KIRREL3: variants seen among roughly 807,000 people sequenced by gnomAD.
KIRREL3 encodes kirre like nephrin family adhesion molecule 3.
KIRREL3 carries 36 observed loss-of-function variants against 89.7 expected under a neutral mutation model. The ratio of observed to expected loss-of-function variants is 0.40; its 90% CI spans 0.31 to 0.53. The LOEUF is 0.53. Among genes scored for constraint, KIRREL3 ranks in the 20% least tolerant of loss-of-function variants. The pLI is 0.49. For missense variants in KIRREL3, 864 were observed against 1,056.6 expected (o/e 0.82, Z 2.53); for synonymous variants, 445 against 441.4 (o/e 1.01, Z -0.10).
chr11:126,494,786 G>A (rs116830397), intron 4 of KIRREL3, among the ~76,000 whole-genome samples: 3,068 of 152,248 alleles, frequency 0.02, 114 homozygotes, highest in African/African-American at 0.069. Flanking sequence ...GGCGGTGAGC[G>A]CTAGGACAGG....
intron 1 of KIRREL3, among the ~76,000 whole-genome samples, chr11:126,674,057 C>T (rs1946077867): frequency 6.6e-6 from 1 of 152,222 alleles, no homozygotes; most frequent in African/African-American, 2.4e-5. Flanking sequence ...GCATGAGAGC[C>T]AGAGGATGGC....
In KIRREL3 at chr11:126,474,966, C is replaced by G. The variant is rs564664092; in HGVS notation, c.434-1500G>C. Reference sequence around the variant, plus strand: ...GCCACAGAAGGGACAGGAGGTGAGGCGACTGTCCTCTGAGGAATCCCTGTT... The same window carrying G: ...GCCACAGAAGGGACAGGAGGTGAGGGGACTGTCCTCTGAGGAATCCCTGTT... On this transcript the variant is annotated intron_variant, in intron 4 of 16. Coordinates refer to ENST00000525144, the MANE Select transcript of KIRREL3 (RefSeq NM_032531.4). This position sits in a 1 kb window ranked among gnomAD's most constrained non-coding sequence, Gnocchi z 6.7. Among the ~76,000 whole-genome samples, 4 of 152,250 alleles carry G rather than the reference C, an allele frequency of 2.6e-5. No individual in the cohort carries two copies. Among genetic ancestry groups the G allele is most frequent in the African/African-American group, 9.6e-5 (4 of 41,552 alleles).
rs1269417531 is a variant in KIRREL3, at chr11:126,876,639, G to A, written c.55+123816C>T. On this transcript the variant is annotated intron_variant, in intron 1 of 16. Coordinates refer to ENST00000525144, the MANE Select transcript of KIRREL3 (RefSeq NM_032531.4). The surrounding 1 kb of genome is among the most constrained non-coding windows in gnomAD (Gnocchi z 4.1). The stretch of plus-strand genomic sequence containing the variant: ...TGCAACCTCCACCTCCAGGGTTCAA[G>A]CAATTGTCCTGCCTCAGCCTTCCAA... 6.6e-6 allele frequency among the ~76,000 whole-genome samples: 1 copy of A among 151,352 alleles called. No homozygotes were observed. The highest frequency in any genetic ancestry group is 1.5e-5 in the Non-Finnish European group (1 of 67,960).
chr11:126,945,383 GCCT>G (rs1295397050), intron 1 of KIRREL3, among the ~76,000 whole-genome samples: 1 of 152,176 alleles, frequency 6.6e-6, no homozygotes, highest in Non-Finnish European at 1.5e-5. Flanking sequence ...GGTTTCCTAA[GCCT>G]CCTTCCTCAC....
intron 1 of KIRREL3, among the ~76,000 whole-genome samples, chr11:126,857,643 T>G (rs1237757657): frequency 6.6e-6 from 1 of 152,134 alleles, no homozygotes; most frequent in Non-Finnish European, 1.5e-5. Flanking sequence ...GTCATATGTC[T>G]TAAAGCAGAA....
Position 126,610,429 on chromosome 11 carries a change from A to G in KIRREL3, c.56-47517T>C, listed in dbSNP as rs1943079309. 6.6e-6 allele frequency among the ~76,000 whole-genome samples: 1 copy of G among 152,214 alleles called. No individual in the cohort carries two copies. Among genetic ancestry groups the G allele is most frequent in the South Asian group, 2.1e-4 (1 of 4,836 alleles). On this transcript the variant is annotated intron_variant, in intron 1 of 16. Transcript: ENST00000525144. The surrounding 1 kb of genome is among the most constrained non-coding windows in gnomAD (Gnocchi z 4.6). ...TTAACAGTTTCCCAAGCAATGCTTCATATTCACAAATGAACACATTAGGCT... is the reference window on the plus strand; with the variant it reads ...TTAACAGTTTCCCAAGCAATGCTTCGTATTCACAAATGAACACATTAGGCT...
Position 126,519,492 on chromosome 11 carries a change from G to T in KIRREL3, c.433+1823C>A, listed in dbSNP as rs1447222531. On this transcript the variant is annotated intron_variant, in intron 4 of 16. Coordinates refer to ENST00000525144, the MANE Select transcript of KIRREL3 (RefSeq NM_032531.4). This position sits in a 1 kb window ranked among gnomAD's most constrained non-coding sequence, Gnocchi z 4.3. The stretch of plus-strand genomic sequence containing the variant: ...ACTTTTTTACGTAACGTAGAGTTGA[G>T]AGGAAAGGAAGTGTAATGATCATGT... Among the ~76,000 whole-genome samples the T allele has an allele frequency of 1.3e-5, 2 of 152,228 alleles. No individual in the cohort carries two copies. The highest frequency in any genetic ancestry group is 2.9e-5 in the Non-Finnish European group (2 of 68,046).
intron 1 of KIRREL3, among the ~76,000 whole-genome samples, chr11:126,770,310 C>T (rs978919972): frequency 1.5e-4 from 23 of 152,290 alleles, no homozygotes; most frequent in African/African-American, 5.5e-4. Flanking sequence ...GACCTATAGA[C>T]ACCCGCAAAA....
intron 1 of KIRREL3, among the ~76,000 whole-genome samples, chr11:126,660,629 A>G (rs1945354960): frequency 7.2e-6 from 1 of 139,034 alleles, no homozygotes; most frequent in African/African-American, 2.7e-5. Context: ...GAATGCCCAC[A>G]TTGGAGGAGC....
chr11:126,925,691 G>A (rs1176137314), intron 1 of KIRREL3, among the ~76,000 whole-genome samples: 1 of 152,196 alleles, frequency 6.6e-6, no homozygotes, highest in Non-Finnish European at 1.5e-5. Context: ...CTGGGTTAAG[G>A]TGAGAACGTT....
In KIRREL3 at chr11:127,000,483, G is replaced by T. The variant is rs1316701243; in HGVS notation, c.27C>A (p.Leu9=). MKPFQLDL[L]FVCFFLFSQE... ...GACTGAAGAGGAAGAAGCAGACGAA[G>T]AGCAGATCGAGCTGGAAGGGTTTCA... is the stretch of plus-strand genomic sequence containing the variant. Residue 9 remains leucine, a synonymous_variant, in exon 1 of 17, where the codon CTC becomes CTA. Coordinates refer to ENST00000525144, the MANE Select transcript of KIRREL3 (RefSeq NM_032531.4). This position sits in a 1 kb window ranked among gnomAD's most constrained non-coding sequence, Gnocchi z 7.1. 2 of 1,608,380 alleles carry T rather than the reference G, an allele frequency of 1.2e-6. No individual in the cohort carries two copies. Among genetic ancestry groups the T allele is most frequent in the East Asian group, 2.2e-5 (1 of 44,630 alleles).
intron 1 of KIRREL3, among the ~76,000 whole-genome samples, chr11:126,959,640 C>T (rs1949024955): frequency 6.6e-6 from 1 of 152,194 alleles, no homozygotes; most frequent in African/African-American, 2.4e-5. Context: ...GGTATTCCTC[C>T]TTAGATATCT....
chr11:126,779,231 T>C (rs951670645), intron 1 of KIRREL3, among the ~76,000 whole-genome samples: 1 of 152,204 alleles, frequency 6.6e-6, no homozygotes, highest in Non-Finnish European at 1.5e-5. Flanking sequence ...GAAGGCTCCA[T>C]GACATTCCCT....
chr11:126,715,743 G>A lies in KIRREL3; in HGVS notation c.56-152831C>T, dbSNP rs577543382. Among the ~76,000 whole-genome samples, 2 of 152,336 alleles carry A rather than the reference G, an allele frequency of 1.3e-5. No homozygotes were observed. The highest frequency in any genetic ancestry group is 1.9e-4 in the East Asian group (1 of 5,186). On this transcript the variant is annotated intron_variant, in intron 1 of 16. Transcript: ENST00000525144. This position sits in a 1 kb window ranked among gnomAD's most constrained non-coding sequence, Gnocchi z 4.4. ...GAGAATGCGGGGGAGGCAAACATCA[G>A]AGAGACTGCACAAGAGCAAGAGGGA...
intron 1 of KIRREL3, among the ~76,000 whole-genome samples, chr11:126,692,544 C>CA (rs71048799): frequency 0.85 from 36,109 of 42,386 alleles, 16,211 homozygotes; most frequent in Middle Eastern, 0.89. Context: ...GACTCTGTCT[C>CA]AAAAAAAAAA....
At chr11:126,702,411 C>T (rs978633086) in intron 1 of KIRREL3, among the ~76,000 whole-genome samples, 3 of 150,826 alleles carry the variant, frequency 2.0e-5, no homozygotes, top group East Asian at 2.0e-4. Context: ...CATGTGGAGT[C>T]GAGGTGGGCA....
rs1828796122 is a variant in KIRREL3 at position 126,795,353 on chromosome 11, A to G, written c.55+205102T>C. 6.6e-6 allele frequency among the ~76,000 whole-genome samples: 1 copy of G among 152,190 alleles called. No individual in the cohort carries two copies. Among genetic ancestry groups the G allele is most frequent in the South Asian group, 2.1e-4 (1 of 4,820 alleles). On this transcript the variant is annotated intron_variant, in intron 1 of 16. Coordinates refer to ENST00000525144, the MANE Select transcript of KIRREL3 (RefSeq NM_032531.4). This position sits in a 1 kb window ranked among gnomAD's most constrained non-coding sequence, Gnocchi z 4.1. The stretch of plus-strand genomic sequence containing the variant: ...GCAGAGGTTGGGAGGGAGAGGACGT[A>G]CATATAAATTTTATTTTATTTTACT...
chr11:126,464,032 A>G (rs1382845223), intron 5 of KIRREL3, among the ~76,000 whole-genome samples: 1 of 152,182 alleles, frequency 6.6e-6, no homozygotes, highest in Non-Finnish European at 1.5e-5. Flanking sequence ...AGTCTCCTAC[A>G]GCAGGTTGAA....
At chr11:126,665,475 G>A (rs1260276301) in intron 1 of KIRREL3, among the ~76,000 whole-genome samples, 1 of 152,200 alleles carries the variant, frequency 6.6e-6, no homozygotes, top group African/African-American at 2.4e-5. Context: ...ATGCTATTAG[G>A]AGGTGGGGCC....
Sources: gnomAD v4.1 joint callset for allele counts (sites outside exome capture counted in the v4.1 genomes callset) on GRCh38, gnomAD v4.1.1 for gene constraint, Gnocchi (gnomAD v3.1) non-coding constraint, MANE v1.5 for transcripts, NCBI Gene and HGNC (gene_info 2026-07-23, HGNC 2026-07-21) for gene names.